The following COL4A5 variants were observed in gnomAD, a reference collection of about 807,000 sequenced individuals.
The protein encoded by COL4A5 is collagen type IV alpha 5 chain.
COL4A5 carries 26 observed loss-of-function variants against 130.2 expected under a neutral mutation model. That is an observed-to-expected ratio of 0.20 (90% CI 0.15 to 0.28). The LOEUF (loss-of-function observed/expected upper bound fraction) is 0.28, where lower values mean the gene tolerates loss of function less well. COL4A5 is among the 10% of genes least tolerant of loss of function. The pLI is 1.00. For synonymous variants in COL4A5, 496 were observed against 439.6 expected (o/e 1.13, Z -1.60); for missense variants, 1,131 against 1,344.3 (o/e 0.84, Z 2.48).
chrX:108,622,701 A>G lies in COL4A5; in HGVS notation c.2793A>G (p.Pro931=), dbSNP rs2067079829. The change falls in exon 33 of 53, where the codon CCA becomes CCG. Residue 931 remains proline, a synonymous_variant. Coordinates refer to ENST00000328300, the MANE Select transcript of COL4A5 (RefSeq NM_033380.3). ...LKGDDGLQGQ[P]GLPGPTGEKG... ...GTGATGATGGCTTGCAGGGTCAGCC[A>G]GGACTTCCTGGCCCTACAGGAGAAA... The G allele has an allele frequency of 8.3e-7, 1 of 1,210,115 alleles. No homozygotes were observed.
At chrX:108,508,557 C>CAAAAAAAAAAAAAAA (rs1182036182) in intron 1 of COL4A5, among the ~76,000 whole-genome samples, 5 of 38,176 alleles carry the variant, frequency 1.3e-4, no homozygotes, top group African/African-American at 2.3e-4. Context: ...CATGTAGGAC[C>CAAAAAAAAAAAAAAA]AAAAAAAAAA....
chrX:108,544,895 G>A (rs746471056), intron 2 of COL4A5, among the ~76,000 whole-genome samples: 5 of 111,924 alleles, frequency 4.5e-5, no homozygotes, highest in Admixed American at 1.9e-4. Flanking sequence ...GTTTATTTGC[G>A]TAGAGGTGTT....
intron 1 of COL4A5, among the ~76,000 whole-genome samples, chrX:108,484,484 G>C (rs1214958825): frequency 1.8e-5 from 2 of 112,404 alleles, no homozygotes; most frequent in African/African-American, 6.5e-5. Flanking sequence ...GCACCTGGCT[G>C]TTGTGATTTA....
chrX:108,629,034 A>G (rs190137061), intron 36 of COL4A5, among the ~76,000 whole-genome samples: 22 of 112,159 alleles, frequency 2.0e-4, no homozygotes, highest in African/African-American at 6.5e-4. Flanking sequence ...ATAGGTTACT[A>G]AGGGAAAGTC....
At chrX:108,533,847 C>A (rs1279480578) in intron 1 of COL4A5, among the ~76,000 whole-genome samples, 1 of 110,390 alleles carries the variant, frequency 9.1e-6, no homozygotes, top group African/African-American at 3.3e-5. Flanking sequence ...ACAAACAAAA[C>A]AAAATAAAAC....
At chrX:108,516,673 C>A (rs1485225744) in intron 1 of COL4A5, among the ~76,000 whole-genome samples, 1 of 111,910 alleles carries the variant, frequency 8.9e-6, no homozygotes, top group East Asian at 2.8e-4. Flanking sequence ...ACTCATTTAT[C>A]TGGAAGTAAA....
intron 1 of COL4A5, among the ~76,000 whole-genome samples, chrX:108,524,572 T>C (rs1373131174): frequency 1.8e-5 from 2 of 111,181 alleles, no homozygotes; most frequent in Non-Finnish European, 3.8e-5. Context: ...CTTTTTCTGA[T>C]GTTTTACATT....
rs142315444 is a variant in COL4A5 at position 108,518,448 on chromosome X, C to T, written c.82-21298C>T. 1.9e-4 allele frequency among the ~76,000 whole-genome samples: 21 copies of T among 110,736 alleles called. No homozygotes were observed. In the East Asian group the frequency reaches 4.0e-3, roughly 21 times the overall value. ...TTCAGACTGGATGCCAGAATAGCTC[C>T]GTTGTCTGTTAGCTGATGTCTTTGA... On this transcript the variant is annotated intron_variant, in intron 1 of 52. Transcript: ENST00000328300.
chrX:108,533,085 C>A (rs961994904), intron 1 of COL4A5, among the ~76,000 whole-genome samples: 1 of 111,508 alleles, frequency 9.0e-6, no homozygotes, highest in African/African-American at 3.3e-5. Context: ...GCCAATGCAA[C>A]CCTGACCTAA....
At chrX:108,638,077 T>G (rs1222162601) in intron 36 of COL4A5, among the ~76,000 whole-genome samples, 3 of 111,087 alleles carry the variant, frequency 2.7e-5, no homozygotes, top group Non-Finnish European at 3.8e-5. Flanking sequence ...ATATTATACC[T>G]GGATTACCCT....
chrX:108,584,223 T>A (rs1407255812), intron 17 of COL4A5, among the ~76,000 whole-genome samples: 1 of 110,683 alleles, frequency 9.0e-6, no homozygotes, highest in Non-Finnish European at 1.9e-5. Flanking sequence ...ACCTTAAAAC[T>A]CTGGTCCAAA....
chrX:108,542,636 C>A (rs1162287609), intron 2 of COL4A5, among the ~76,000 whole-genome samples: 2 of 106,278 alleles, frequency 1.9e-5, no homozygotes, highest in Non-Finnish European at 3.8e-5. Flanking sequence ...AATGGGATGG[C>A]TGGGTCAAAT....
chrX:108,691,039 C>A (rs2068632668), intron 49 of COL4A5, among the ~76,000 whole-genome samples: 1 of 110,956 alleles, frequency 9.0e-6, no homozygotes, highest in Non-Finnish European at 1.9e-5. Flanking sequence ...AAGTCATTAT[C>A]TTAAGTGAAA....
rs187251458 is a variant in COL4A5 at position 108,577,825 on chromosome X, T to C, written c.610-127T>C. 39 of 567,370 alleles carry C rather than the reference T, an allele frequency of 6.9e-5. No individual in the cohort carries two copies. The African/African-American group carries it at 7.7e-4, about 11-fold the overall frequency. 46.8% of individuals were successfully genotyped at this position (567,370 alleles called of 1,213,427 possible). A position where few individuals can be genotyped will look rare whatever the true frequency, so the allele number is the denominator to read the frequency against. The stretch of plus-strand genomic sequence containing the variant: ...TTAAAATGTGTGTCTCTGACTAAAA[T>C]GAAAACAAACAAGAAAATACTATTT... On this transcript the variant is annotated intron_variant, in intron 10 of 52. Coordinates refer to ENST00000328300, the MANE Select transcript of COL4A5 (RefSeq NM_033380.3).
rs145485087 is a variant in COL4A5 at position 108,642,246 on chromosome X, G to A, written c.3247-13085G>A. Among the ~76,000 whole-genome samples the A allele has an allele frequency of 8.6e-3, 948 of 110,514 alleles. 9 individuals are homozygous for A. Among genetic ancestry groups the A allele is most frequent in the Middle Eastern group, 0.014 (3 of 219 alleles). ...AGCCACAATAAGACCTGCCCAAGGAGGGTCTGAGCTCAGAGGTCCCTAGCC... is the reference window on the plus strand; with the variant it reads ...AGCCACAATAAGACCTGCCCAAGGAAGGTCTGAGCTCAGAGGTCCCTAGCC... On this transcript the variant is annotated intron_variant, in intron 36 of 52. Coordinates refer to ENST00000328300, the MANE Select transcript of COL4A5 (RefSeq NM_033380.3).
intron 1 of COL4A5, among the ~76,000 whole-genome samples, chrX:108,470,417 CAT>C (rs1372078586): frequency 1.8e-5 from 2 of 112,016 alleles, no homozygotes; most frequent in Non-Finnish European, 3.8e-5. Context: ...AGCATTTTTT[CAT>C]ATATTTGTTG....
At chrX:108,508,557 CAAAAAAAAAAAAA>C (rs1182036182) in intron 1 of COL4A5, among the ~76,000 whole-genome samples, 6 of 38,176 alleles carry the variant, frequency 1.6e-4, no homozygotes, top group African/African-American at 7.0e-4. Flanking sequence ...CATGTAGGAC[CAAAAAAAAAAAAA>C]AAAAAAAAAA....
chrX:108,689,990 C>A (rs17280266), intron 49 of COL4A5: 4 of 750,756 alleles, frequency 5.3e-6, no homozygotes, highest in East Asian at 3.1e-4. Flanking sequence ...CATTATGGGC[C>A]TTCCTTTTAT....
intron 1 of COL4A5, among the ~76,000 whole-genome samples, chrX:108,527,677 A>G (rs2065340247): frequency 9.0e-6 from 1 of 111,324 alleles, no homozygotes; most frequent in South Asian, 3.9e-4. Flanking sequence ...TGCACTCACC[A>G]TTGGGGTCCT....
Sources: allele counts gnomAD v4.1 joint callset (sites outside exome capture counted in the v4.1 genomes callset), GRCh38; gene constraint gnomAD v4.1.1; transcripts MANE v1.5; gene names NCBI Gene and HGNC (gene_info 2026-07-23, HGNC 2026-07-21).